The following TMEM44 variants were observed in gnomAD, a reference collection of about 807,000 sequenced individuals.
TMEM44 encodes the protein transmembrane protein 44.
In TMEM44, 43 loss-of-function variants were observed where a neutral mutation model predicts 47.8. That is an observed-to-expected ratio of 0.90 (90% confidence interval 0.70 to 1.16). The LOEUF (loss-of-function observed/expected upper bound fraction) is 1.16. Ranked by LOEUF, TMEM44 falls within the 50% of genes most tolerant of loss-of-function variation. TMEM44 has a pLI of 0.00. For synonymous variants in TMEM44, 277 were observed against 238.8 expected (o/e 1.16, Z -1.48); for missense variants, 568 against 555.2 (o/e 1.02, Z -0.23).
At chr3:194,626,634 T>A (rs1400364955) in intron 2 of TMEM44, among the ~76,000 whole-genome samples, 2 of 152,074 alleles carry the variant, frequency 1.3e-5, no homozygotes, top group Non-Finnish European at 2.9e-5. Flanking sequence ...ATGCTGGGAT[T>A]CCAGGAGTCA....
At chr3:194,625,005 C>T (rs903283482) in intron 3 of TMEM44, among the ~76,000 whole-genome samples, 4 of 152,184 alleles carry the variant, frequency 2.6e-5, no homozygotes, top group Admixed American at 2.6e-4. Context: ...GTGTGGGCCA[C>T]CATGCCCGGC....
Position 194,617,104 on chromosome 3 carries a change from G to A in TMEM44, c.778C>T (p.Leu260Phe). The A allele has an allele frequency of 6.5e-7, 1 of 1,533,096 alleles. No individual in the cohort carries two copies. Among genetic ancestry groups the A allele is most frequent in the Non-Finnish European group, 8.8e-7 (1 of 1,139,278 alleles). 95.0% of individuals were successfully genotyped at this position (1,533,096 alleles called of 1,614,324 possible). A position where few individuals can be genotyped will look rare whatever the true frequency, so the allele number is the denominator to read the frequency against. ...LTSLGRAALD[L>F]AIIFLSCVMK... ...CCCAGGCCTGGGGTGGATACAGCGA[G>A]GTCCAGTGCCGCACGGCCGAGGGAG... The change falls in exon 6 of 10, where the codon CTC becomes TTC. Residue 260 changes from leucine (L) to phenylalanine (F), a missense_variant. Leu to Phe is a conservative substitution (Grantham distance 22). Coordinates refer to ENST00000347147, the MANE Select transcript of TMEM44 (RefSeq NM_001011655.3).
chr3:194,605,160 G>C lies in TMEM44; in HGVS notation c.1018-715C>G, dbSNP rs73890170. 7.3e-3 allele frequency among the ~76,000 whole-genome samples: 1,112 copies of C among 151,622 alleles called. 16 individuals carry two copies. Among genetic ancestry groups the C allele is most frequent in the African/African-American group, 0.023 (942 of 41,300 alleles). ...TCTATCTATGTATGTATCTATCTAT[G>C]TATCTATTTATGTATCTGTCTATCT... On this transcript the variant is annotated intron_variant, in intron 8 of 9. Coordinates refer to ENST00000347147, the MANE Select transcript of TMEM44 (RefSeq NM_001011655.3).
intron 8 of TMEM44, 102 bp downstream of exon 8, chr3:194,610,814 T>C (rs1715240190): frequency 2.0e-6 from 2 of 1,016,300 alleles, no homozygotes; most frequent in Admixed American, 4.4e-5. Flanking sequence ...TCTCTTGTTT[T>C]CTCCTGCTCA....
At chr3:194,624,728 CT>C (rs55987964) in intron 3 of TMEM44, among the ~76,000 whole-genome samples, 4 of 150,372 alleles carry the variant, frequency 2.7e-5, no homozygotes, top group Admixed American at 1.3e-4. Context: ...GGTTCATCCC[CT>C]TTTTTTTTTT....
chr3:194,610,526 A>T (rs1443178492), intron 8 of TMEM44, among the ~76,000 whole-genome samples: 5 of 152,102 alleles, frequency 3.3e-5, no homozygotes, highest in Non-Finnish European at 7.3e-5. Context: ...TCACCTGCAT[A>T]GCAAGAAAAC....
intron 9 of TMEM44, chr3:194,593,212 A>C: frequency 1.3e-6 from 1 of 778,782 alleles, no homozygotes; most frequent in East Asian, 2.6e-5. Flanking sequence ...GCAAAGGAAC[A>C]GGTGACTTCA....
intron 9 of TMEM44, among the ~76,000 whole-genome samples, chr3:194,603,461 G>A (rs1714389597): frequency 1.3e-5 from 2 of 152,190 alleles, no homozygotes; most frequent in South Asian, 4.2e-4. Context: ...GCAGTGGCAT[G>A]ATCTTGGCTC....
At chr3:194,612,734 G>A (rs1427775455) in intron 7 of TMEM44, among the ~76,000 whole-genome samples, 1 of 152,010 alleles carries the variant, frequency 6.6e-6, no homozygotes, top group Non-Finnish European at 1.5e-5. Context: ...GCGGGATCTC[G>A]ACTCACTGCA....
At position 194,630,793 on chromosome 3, in the gene TMEM44, G is replaced by C. The variant is rs1293152360; in HGVS notation, c.138-2284C>G. 1.1e-4 allele frequency among the ~76,000 whole-genome samples: 8 copies of C among 69,790 alleles called. No individual in the cohort carries two copies. The East Asian group carries it at 1.4e-3, about 12-fold the overall frequency. 45.8% of individuals were successfully genotyped at this position (69,790 alleles called of 152,430 possible). A position where few individuals can be genotyped will look rare whatever the true frequency, so the allele number is the denominator to read the frequency against. ...GGGCCTCTGAAATACGTTGTCGCAC[G>C]TGCCTCCTGGAGGGGCTGGCTGTTT... On this transcript the variant is annotated intron_variant, in intron 1 of 9. Coordinates refer to ENST00000347147, the MANE Select transcript of TMEM44 (RefSeq NM_001011655.3).
In TMEM44 at chr3:194,588,274, G is replaced by T. The variant is rs867538180; in HGVS notation, c.*255C>A. 4.4e-6 allele frequency: 2 copies of T among 456,524 alleles called. No homozygotes were observed. Among genetic ancestry groups the T allele is most frequent in the African/African-American group, 2.0e-5 (1 of 48,888 alleles). The allele number at this position is 456,524 out of a possible 1,614,324, so 28.3% of individuals were successfully genotyped here. On this transcript the variant is annotated 3_prime_UTR_variant, in exon 10 of 10. Coordinates refer to ENST00000347147, the MANE Select transcript of TMEM44 (RefSeq NM_001011655.3). ...CTGAGATCCTTTGGATTATCTTTAC[G>T]AAGCAAAAGCTTCTGTGAACTGTGA...
chr3:194,595,868 G>T lies in TMEM44; in HGVS notation c.1177-7229C>A, dbSNP rs200838504. 1.4e-4 allele frequency among the ~76,000 whole-genome samples: 21 copies of T among 152,040 alleles called. No individual in the cohort carries two copies. In the East Asian group the frequency reaches 4.1e-3, roughly 29 times the overall value. ...TCTCAAACTCCTGACCTTGTGATCT[G>T]CCCGCCTCAGCCTCCCAAAGTGCTG... On this transcript the variant is annotated intron_variant, in intron 9 of 9. Coordinates refer to ENST00000347147, the MANE Select transcript of TMEM44 (RefSeq NM_001011655.3).
At position 194,604,137 on chromosome 3, in the gene TMEM44, A is replaced by T. The variant is rs867201674; in HGVS notation, c.1176+150T>A. 1.8e-4 allele frequency: 181 copies of T among 1,013,780 alleles called. No individual in the cohort carries two copies. In the Middle Eastern group the frequency reaches 2.0e-3, roughly 11 times the overall value. 62.8% of individuals were successfully genotyped at this position (1,013,780 alleles called of 1,614,324 possible). A position where few individuals can be genotyped will look rare whatever the true frequency, so the allele number is the denominator to read the frequency against. On this transcript the variant is annotated intron_variant, in intron 9 of 9. Transcript: ENST00000347147. ...CCCAAGTGCTGCAATTACAGGTGTG[A>T]GCCACCGCGCCTGGCCTCATTCATT...
At chr3:194,632,591 G>A (rs6795905) in intron 1 of TMEM44, among the ~76,000 whole-genome samples, 11,432 of 152,234 alleles carry the variant, frequency 0.075, 561 homozygotes, top group Middle Eastern at 0.13. Context: ...GGTAAACTGA[G>A]GCCAGAAACA....
chr3:194,625,861 G>A (rs747481565), intron 3 of TMEM44, 36 bp downstream of exon 3: 1 of 1,551,828 alleles, frequency 6.4e-7, no homozygotes, highest in South Asian at 1.1e-5. Flanking sequence ...GAATGAATGG[G>A]TGAATAAAGA....
At position 194,628,401 on chromosome 3, in the gene TMEM44, G is replaced by A; in HGVS notation, c.246C>T (p.Ala82=). The change falls in exon 2 of 10, where the codon GCC becomes GCT. Residue 82 remains alanine, a synonymous_variant. Transcript: ENST00000347147. Reference sequence around the variant, plus strand: ...AACATACCTGGATTGTGAGCTGTCTGGCCAGAAGAGCCCCGACGGTGTCAC... The same window carrying A: ...AACATACCTGGATTGTGAGCTGTCTAGCCAGAAGAGCCCCGACGGTGTCAC... ...SLCDTVGALL[A]RQLTIQVFTG... is the part of the protein sequence containing the mutation. 1 of 1,611,874 alleles carries A rather than the reference G, an allele frequency of 6.2e-7. No homozygotes were observed. The highest frequency in any genetic ancestry group is 8.5e-7 in the Non-Finnish European group (1 of 1,179,020).
intron 9 of TMEM44, among the ~76,000 whole-genome samples, chr3:194,602,533 C>T (rs1317235624): frequency 1.3e-5 from 2 of 151,260 alleles, no homozygotes; most frequent in Non-Finnish European, 2.9e-5. Flanking sequence ...ACCCGGGAGG[C>T]GGAGGTTGCA....
chr3:194,592,920 C>CT (rs1712943746), intron 9 of TMEM44: 2 of 1,289,402 alleles, frequency 1.6e-6, no homozygotes, highest in Non-Finnish European at 2.2e-6. Flanking sequence ...GCCTGACATT[C>CT]TTTTTTTACT....
Position 194,633,117 on chromosome 3 carries a change from C to G in TMEM44, c.99G>C (p.Trp33Cys), listed in dbSNP as rs999956431. ...CGATCCAGCAGGAGGAGGCGCAGAT[C>G]CACAGGCCGAAGGAGATGCAGACGC... ...RHRVCISFGLWICASSCWIAA... is the reference protein window; with the variant it reads ...RHRVCISFGLCICASSCWIAA... Residue 33 changes from tryptophan (W) to cysteine (C), a missense_variant, in exon 1 of 10, where the codon TGG (tryptophan) becomes TGC (cysteine). Coordinates refer to ENST00000347147, the MANE Select transcript of TMEM44 (RefSeq NM_001011655.3). The G allele has an allele frequency of 2.6e-6, 4 of 1,551,180 alleles. No homozygotes were observed. The highest frequency in any genetic ancestry group is 2.4e-5 in the South Asian group (2 of 84,136).
Sources: allele counts gnomAD v4.1 joint callset (sites outside exome capture counted in the v4.1 genomes callset), GRCh38; gene constraint gnomAD v4.1.1; transcripts MANE v1.5; gene names NCBI Gene and HGNC (gene_info 2026-07-23, HGNC 2026-07-21).